CREM: variants seen among roughly 807,000 people sequenced by gnomAD.
CREM encodes the protein cAMP responsive element modulator, also known as cAMP-responsive element modulator.
Under a neutral mutation model 37.3 loss-of-function variants are expected in CREM, and 13 were observed. The ratio of observed to expected loss-of-function variants is 0.35; its 90% confidence interval spans 0.23 to 0.55. The LOEUF is 0.55. CREM is among the 20% of genes least tolerant of loss of function. The pLI is 0.88. For synonymous variants in CREM, 124 were observed against 120.2 expected (o/e 1.03, Z -0.21); for missense variants, 296 against 362.3 (o/e 0.82, Z 1.49).
At chr10:35,168,675 G>T (rs2093665377) in intron 3 of CREM, among the ~76,000 whole-genome samples, 1 of 152,178 alleles carries the variant, frequency 6.6e-6, no homozygotes, top group Non-Finnish European at 1.5e-5. Flanking sequence ...CCTTGCCCAT[G>T]CCTATGTCCT....
chr10:35,134,413 C>T (rs563559196), intron 1 of CREM, among the ~76,000 whole-genome samples: 11 of 152,240 alleles, frequency 7.2e-5, no homozygotes, highest in African/African-American at 2.4e-4. Flanking sequence ...GACAGGGTTT[C>T]GCCATGTTGG....
chr10:35,140,626 A>C (rs1439899474), intron 2 of CREM, among the ~76,000 whole-genome samples: 4 of 152,196 alleles, frequency 2.6e-5, no homozygotes, highest in Non-Finnish European at 5.9e-5. Context: ...GTGTGAATAC[A>C]TGTATTATAT....
chr10:35,212,441 G>C lies in CREM; in HGVS notation c.*1043G>C, dbSNP rs1446721524. ...ATTTACTACAGTTTTTAACTCTACT[G>C]TGTAATATAAAAGATCTTGCAGAAG... On this transcript the variant is annotated 3_prime_UTR_variant, in exon 8 of 8. Coordinates refer to ENST00000685392, the MANE Select transcript of CREM (RefSeq NM_183011.2). 1.3e-5 allele frequency: 2 copies of C among 152,692 alleles called. No individual in the cohort carries two copies. The highest frequency in any genetic ancestry group is 2.9e-5 in the Non-Finnish European group (2 of 68,028). 9.5% of individuals were successfully genotyped at this position (152,692 alleles called of 1,614,324 possible).
chr10:35,184,840 T>A (rs764737858), intron 5 of CREM, among the ~76,000 whole-genome samples: 2 of 152,142 alleles, frequency 1.3e-5, no homozygotes, highest in Non-Finnish European at 2.9e-5. Flanking sequence ...GTTATCTACC[T>A]ATTTAGGGGT....
At chr10:35,135,267 C>T (rs2090259142) in intron 1 of CREM, among the ~76,000 whole-genome samples, 1 of 152,102 alleles carries the variant, frequency 6.6e-6, no homozygotes, top group African/African-American at 2.4e-5. Flanking sequence ...TTGCCTATAA[C>T]AAACTAATCT....
rs778692142 is a variant in CREM at position 35,167,680 on chromosome 10, C to T, written c.169-11209C>T. 5.7e-6 allele frequency: 9 copies of T among 1,587,238 alleles called. No homozygotes were observed. The African/African-American group carries it at 1.2e-4, about 21-fold the overall frequency. On this transcript the variant is annotated intron_variant, in intron 3 of 7. Transcript: ENST00000685392. ...AAGGCTGTCAATTGCATCATCTTAC[C>T]TTATTTCTTCAGATTAAGTACTGTT... is the stretch of plus-strand genomic sequence containing the variant.
intron 5 of CREM, among the ~76,000 whole-genome samples, chr10:35,187,716 G>A (rs766374928): frequency 6.6e-6 from 1 of 151,746 alleles, no homozygotes; most frequent in Admixed American, 6.6e-5. Flanking sequence ...TGTTGCCCAG[G>A]CTGGCCTTGA....
At position 35,211,331 on chromosome 10, in the gene CREM, A is replaced by T. The variant is rs756433397; in HGVS notation, c.833A>T (p.Asn278Ile). The T allele has an allele frequency of 3.1e-6, 5 of 1,613,858 alleles. No individual in the cohort carries two copies. The African/African-American group carries it at 6.7e-5, about 22-fold the overall frequency. Residue 278 changes from asparagine to isoleucine, a missense_variant, in exon 8 of 8, where the codon AAC (asparagine) becomes ATC (isoleucine). Physicochemically the swap from Asn to Ile is moderately radical, Grantham distance 149. This residue lies in a region of CREM where 39 missense variants were observed against 82.0 expected (regional missense o/e 0.48). Transcript: ENST00000685392. ...GAAAATCGTGTGGCTGTGCTTGAAA[A>T]CCAAAACAAGACTCTCATTGAGGAA... ...CLENRVAVLE[N>I]QNKTLIEELK...
Position 35,211,843 on chromosome 10 carries a change from C to T in CREM, c.*445C>T. ...GAACTGAAGGCAGCATGTATAGTTG[C>T]TTTTGAAGGAATACAATATATAGCT... On this transcript the variant is annotated 3_prime_UTR_variant, in exon 8 of 8. Coordinates refer to ENST00000685392, the MANE Select transcript of CREM (RefSeq NM_183011.2). 2 of 1,548,584 alleles carry T rather than the reference C, an allele frequency of 1.3e-6. No homozygotes were observed. The highest frequency in any genetic ancestry group is 1.7e-6 in the Non-Finnish European group (2 of 1,148,678).
chr10:35,150,831 AG>A (rs1293671350), intron 3 of CREM, among the ~76,000 whole-genome samples: 1 of 149,700 alleles, frequency 6.7e-6, no homozygotes, highest in African/African-American at 2.5e-5. Context: ...AAAAAAAAAA[AG>A]TGTTGCCAAC....
chr10:35,205,586 G>A (rs913482708), intron 6 of CREM, among the ~76,000 whole-genome samples: 5 of 152,166 alleles, frequency 3.3e-5, no homozygotes, highest in East Asian at 3.9e-4. Flanking sequence ...AACATTCAGA[G>A]GATGGAGATA....
intron 3 of CREM, among the ~76,000 whole-genome samples, chr10:35,162,634 C>T (rs1049619025): frequency 2.6e-5 from 4 of 152,042 alleles, no homozygotes; most frequent in African/African-American, 9.7e-5. Context: ...GCTTGTCTCT[C>T]TCCCTGTCAG....
At chr10:35,135,957 A>T (rs1158345683) in intron 1 of CREM, among the ~76,000 whole-genome samples, 1 of 151,964 alleles carries the variant, frequency 6.6e-6, no homozygotes, top group East Asian at 1.9e-4. Flanking sequence ...CCTTGTGGAG[A>T]ATAGTTGGAA....
chr10:35,171,491 T>C (rs58552047), intron 3 of CREM, among the ~76,000 whole-genome samples: 22,941 of 152,172 alleles, frequency 0.15, 1,955 homozygotes, highest in East Asian at 0.24. Context: ...ATTGTTTAAT[T>C]AAAATTCTGA....
intron 3 of CREM, chr10:35,148,787 C>A: frequency 3.7e-6 from 1 of 268,116 alleles, no homozygotes; most frequent in Non-Finnish European, 7.2e-6. Context: ...GAAATTGATA[C>A]AGTTCTGATG....
At position 35,206,883 on chromosome 10, in the gene CREM, G is replaced by A. The variant is rs1404814855; in HGVS notation, c.599-12G>A. On this transcript the variant is annotated splice_polypyrimidine_tract_variant and intron_variant, in intron 6 of 7. Coordinates refer to ENST00000685392, the MANE Select transcript of CREM (RefSeq NM_183011.2). Reference sequence around the variant, plus strand: ...TCTTTATATAAGCTCAAAATATTTTGTTTTACTGCAGCTGCCACTGGTGAC... The same window carrying A: ...TCTTTATATAAGCTCAAAATATTTTATTTTACTGCAGCTGCCACTGGTGAC... The A allele has an allele frequency of 6.2e-7, 1 of 1,612,608 alleles. No homozygotes were observed. The highest frequency in any genetic ancestry group is 8.5e-7 in the Non-Finnish European group (1 of 1,179,552).
chr10:35,129,291 C>T (rs558179600), intron 1 of CREM, among the ~76,000 whole-genome samples: 1 of 152,200 alleles, frequency 6.6e-6, no homozygotes, highest in South Asian at 2.1e-4. Flanking sequence ...TGCATTGTCC[C>T]TGAAAGTTAA....
At chr10:35,128,114 A>G (rs1209154760) in intron 1 of CREM, among the ~76,000 whole-genome samples, 2 of 152,216 alleles carry the variant, frequency 1.3e-5, no homozygotes, top group African/African-American at 4.8e-5. Context: ...CTGGGATTAC[A>G]GGCGTGAGCC....
Position 35,211,640 on chromosome 10 carries a change from T to C in CREM, c.*242T>C, listed in dbSNP as rs1429748875. The C allele has an allele frequency of 1.2e-6, 2 of 1,607,406 alleles. No homozygotes were observed. The highest frequency in any genetic ancestry group is 1.7e-6 in the Non-Finnish European group (2 of 1,177,720). ...AAAAAATGCTTTGTTTGCCCTTTGC[T>C]TCTGCTTTTTTTCAGGGAAGCTGCC... On this transcript the variant is annotated 3_prime_UTR_variant, in exon 8 of 8. Transcript: ENST00000685392.
Sources: gnomAD v4.1 joint callset for allele counts (sites outside exome capture counted in the v4.1 genomes callset) on GRCh38, gnomAD v4.1.1 for gene constraint, gnomAD v4.1.1 regional missense constraint, MANE v1.5 for transcripts, NCBI Gene and HGNC (gene_info 2026-07-23, HGNC 2026-07-21) for gene names.